Variants in PCDHA12 observed in about 807,000 individuals in gnomAD.
The protein encoded by PCDHA12 is protocadherin alpha-12.
A neutral mutation model predicts 60.0 loss-of-function variants in PCDHA12; 44 were observed. The ratio of observed to expected loss-of-function variants is 0.73; its 90% CI spans 0.58 to 0.94. The LOEUF is 0.94. Ranked by LOEUF, PCDHA12 falls within the 40% of genes least tolerant of loss-of-function variation. The pLI is 0.00. For synonymous variants in PCDHA12, 569 were observed against 553.0 expected (o/e 1.03, Z -0.40); for missense variants, 1,276 against 1,239.7 (o/e 1.03, Z -0.44).
chr5:140,876,726 G>T lies in PCDHA12; in HGVS notation c.1254G>T (p.Val418=). The T allele has an allele frequency of 6.2e-7, 1 of 1,614,264 alleles. No homozygotes were observed. The highest frequency in any genetic ancestry group is 1.3e-5 in the African/African-American group (1 of 75,074). ...ACAGCGCCCTGGACCGCGAGAGCGT[G>T]TCGGCCTATGAGCTGGTGGTGACTG... ...VLDSALDRES[V]SAYELVVTAR... is the part of the protein sequence containing the mutation. Residue 418 remains valine (V), a synonymous_variant, in exon 1 of 4, where the codon GTG becomes GTT. Coordinates refer to ENST00000398631, the MANE Select transcript of PCDHA12 (RefSeq NM_018903.4).
At position 140,876,301 on chromosome 5, in the gene PCDHA12, A is replaced by G. The variant is rs2056269338; in HGVS notation, c.829A>G (p.Ile277Val). 2 of 1,614,076 alleles carry G rather than the reference A, an allele frequency of 1.2e-6. No homozygotes were observed. The highest frequency in any genetic ancestry group is 4.5e-5 in the East Asian group (2 of 44,890). ...TCCAGACGAAGGACTTAATGGAGAA[A>G]TTTCCTATGGGATCAAAATGATTTT... is the stretch of plus-strand genomic sequence containing the variant. ...SDPDEGLNGE[I>V]SYGIKMILPV... Residue 277 changes from isoleucine to valine, a missense_variant, in exon 1 of 4, where the codon ATT becomes GTT. Transcript: ENST00000398631.
intron 1 of PCDHA12, among the ~76,000 whole-genome samples, chr5:140,893,957 G>T (rs1308768731): frequency 1.3e-5 from 2 of 152,100 alleles, no homozygotes; most frequent in African/African-American, 4.8e-5. Context: ...GACTTTATTA[G>T]TCATTAGATA....
chr5:140,993,463 CACA>C (rs1563592017), intron 3 of PCDHA12, among the ~76,000 whole-genome samples: 29 of 7,582 alleles, frequency 3.8e-3, no homozygotes, highest in African/African-American at 0.016. Flanking sequence ...CTTTCTTTCT[CACA>C]CACACACACA....
chr5:140,987,536 A>G (rs555442118), intron 3 of PCDHA12, among the ~76,000 whole-genome samples: 126 of 152,290 alleles, frequency 8.3e-4, no homozygotes, highest in Non-Finnish European at 1.6e-3. Context: ...TCCTGGGACC[A>G]TTACTTAACT....
intron 1 of PCDHA12, among the ~76,000 whole-genome samples, chr5:140,942,466 A>G (rs1269455545): frequency 2.0e-5 from 3 of 152,266 alleles, no homozygotes; most frequent in African/African-American, 7.2e-5. Flanking sequence ...TAATACAATC[A>G]AATTCAAGCT....
chr5:140,907,631 C>T (rs1338354291), intron 1 of PCDHA12, among the ~76,000 whole-genome samples: 1 of 152,216 alleles, frequency 6.6e-6, no homozygotes, highest in African/African-American at 2.4e-5. Flanking sequence ...GTGTTGGTCT[C>T]TGCTGCTGGC....
At chr5:140,951,988 A>C (rs2094668820) in intron 1 of PCDHA12, among the ~76,000 whole-genome samples, 1 of 152,226 alleles carries the variant, frequency 6.6e-6, no homozygotes, top group African/African-American at 2.4e-5. Context: ...GGGAAAAACC[A>C]GCCAAAAGAA....
chr5:141,009,330 G>A (rs1355837607), intron 3 of PCDHA12, among the ~76,000 whole-genome samples: 2 of 152,192 alleles, frequency 1.3e-5, no homozygotes, highest in African/African-American at 2.4e-5. Context: ...ATGGGAGCTT[G>A]TGCCTGTAGT....
chr5:140,884,535 C>T (rs142468733), intron 1 of PCDHA12: 2 of 1,613,918 alleles, frequency 1.2e-6, no homozygotes, highest in African/African-American at 1.3e-5. Flanking sequence ...CAGAGGCGGC[C>T]GAGGGTGTGC....
At position 140,976,185 on chromosome 5, in the gene PCDHA12, A is replaced by G. The variant is rs545410193; in HGVS notation, c.2368-2764A>G. Among the ~76,000 whole-genome samples the G allele has an allele frequency of 4.6e-5, 7 of 152,340 alleles. No homozygotes were observed. The South Asian group carries it at 1.2e-3, about 27-fold the overall frequency. ...TTTAGTTTTGTATTGTTTTAAATCAATATCCTGGAAACTCAGAAGTAAAAA... is the reference window on the plus strand; with the variant it reads ...TTTAGTTTTGTATTGTTTTAAATCAGTATCCTGGAAACTCAGAAGTAAAAA... On this transcript the variant is annotated intron_variant, in intron 1 of 3. Coordinates refer to ENST00000398631, the MANE Select transcript of PCDHA12 (RefSeq NM_018903.4).
intron 1 of PCDHA12, chr5:140,882,118 T>G: frequency 1.4e-6 from 2 of 1,431,994 alleles, no homozygotes; most frequent in Non-Finnish European, 9.4e-7. Context: ...AAGCCGCCGT[T>G]TCTTTCTTCC....
intron 3 of PCDHA12, among the ~76,000 whole-genome samples, chr5:140,999,223 G>A (rs1554256702): frequency 3.3e-5 from 5 of 152,316 alleles, no homozygotes; most frequent in African/African-American, 1.2e-4. Flanking sequence ...TACTACATTT[G>A]AGAATAGGTG....
chr5:140,982,689 T>A, intron 3 of PCDHA12, 126 bp downstream of exon 3: 1 of 1,413,688 alleles, frequency 7.1e-7, no homozygotes, highest in Non-Finnish European at 9.3e-7. Context: ...CTTTTTTCCA[T>A]ACATACATGA....
chr5:140,924,238 T>A (rs781820581), intron 1 of PCDHA12, among the ~76,000 whole-genome samples: 5 of 152,244 alleles, frequency 3.3e-5, no homozygotes, highest in Admixed American at 1.3e-4. Flanking sequence ...ATGGGCTGTT[T>A]TGCATCCTGG....
At chr5:140,882,415 T>G (rs782393404) in intron 1 of PCDHA12, 23 of 1,614,072 alleles carry the variant, frequency 1.4e-5, no homozygotes, top group African/African-American at 2.7e-5. Flanking sequence ...GCCGCATCGC[T>G]CAGGACCTGG....
In PCDHA12 at chr5:140,966,434, C is replaced by G. The variant is rs889087342; in HGVS notation, c.2368-12515C>G. 9 of 423,984 alleles carry G rather than the reference C, an allele frequency of 2.1e-5. No individual in the cohort carries two copies. In the Admixed American group the frequency reaches 3.9e-4, roughly 19 times the overall value. The allele number at this position is 423,984 out of a possible 1,614,324, so 26.3% of individuals were successfully genotyped here. On this transcript the variant is annotated intron_variant, in intron 1 of 3. Coordinates refer to ENST00000398631, the MANE Select transcript of PCDHA12 (RefSeq NM_018903.4). ...GAGCAGGACTTGCTGAGCCCTCCTA[C>G]CGCTCCCTTTCCCCCTCCCCCTCTG...
intron 1 of PCDHA12, among the ~76,000 whole-genome samples, chr5:140,898,250 A>T (rs2066615127): frequency 6.6e-6 from 1 of 152,210 alleles, no homozygotes; most frequent in South Asian, 2.1e-4. Flanking sequence ...TGTTTTAGAC[A>T]TGAAGTCCTT....
intron 1 of PCDHA12, chr5:140,966,244 G>C (rs1302762597): frequency 3.2e-6 from 1 of 315,708 alleles, no homozygotes; most frequent in Non-Finnish European, 5.7e-6. Context: ...CGTTAAGCAG[G>C]GGAGAGACGG....
chr5:140,964,952 T>C (rs868971882), intron 1 of PCDHA12, among the ~76,000 whole-genome samples: 1 of 152,190 alleles, frequency 6.6e-6, no homozygotes, highest in South Asian at 2.1e-4. Flanking sequence ...TGAGTGTGCT[T>C]GGTTGGTGGA....
Sources: allele counts gnomAD v4.1 joint callset (sites outside exome capture counted in the v4.1 genomes callset), GRCh38; gene constraint gnomAD v4.1.1; transcripts MANE v1.5; gene names NCBI Gene and HGNC (gene_info 2026-07-23, HGNC 2026-07-21).